PXYLP1: variants seen among roughly 807,000 people sequenced by gnomAD.
The protein encoded by PXYLP1 is acid phosphatase-like 2.
A neutral mutation model predicts 37.9 loss-of-function variants in PXYLP1; 17 were observed. That is an observed-to-expected ratio of 0.45 (90% confidence interval 0.31 to 0.67). The LOEUF is 0.67. Ranked by LOEUF, PXYLP1 falls within the 30% of genes least tolerant of loss-of-function variation. The pLI, the probability that PXYLP1 is intolerant of heterozygous loss-of-function variation, is 0.07. For missense variants in PXYLP1, 511 were observed against 612.0 expected (o/e 0.84, Z 1.74); for synonymous variants, 221 against 232.2 (o/e 0.95, Z 0.44).
chr3:141,260,269 G>A lies in PXYLP1; in HGVS notation c.79+15G>A, dbSNP rs1212729747. ...CCTGCAGTTCTGTGAGTAGAGCCGG[G>A]CCCCGCAGGTCGTGGGAGGGTAGGG... On this transcript the variant is annotated intron_variant, in intron 2 of 5. Coordinates refer to ENST00000286353, the MANE Select transcript of PXYLP1 (RefSeq NM_001037172.3). 3 of 1,611,470 alleles carry A rather than the reference G, an allele frequency of 1.9e-6. No individual in the cohort carries two copies. Among genetic ancestry groups the A allele is most frequent in the Admixed American group, 1.7e-5 (1 of 60,016 alleles).
intron 1 of PXYLP1, among the ~76,000 whole-genome samples, chr3:141,237,729 C>T (rs995392295): frequency 5.9e-5 from 9 of 152,196 alleles, no homozygotes; most frequent in African/African-American, 2.2e-4. Flanking sequence ...TCTCTGTCCT[C>T]ATGGAACAGA....
chr3:141,282,973 AT>A (rs55784202), intron 4 of PXYLP1, among the ~76,000 whole-genome samples: 67 of 147,090 alleles, frequency 4.6e-4, no homozygotes, highest in African/African-American at 6.2e-4. Flanking sequence ...AGGCTGTATA[AT>A]TTTTTTTTTT....
chr3:141,278,591 G>C, intron 3 of PXYLP1, 91 bp downstream of exon 3: 1 of 1,519,654 alleles, frequency 6.6e-7, no homozygotes, highest in Admixed American at 1.9e-5. Context: ...AGATGGCCAG[G>C]ACCCAAGTCC....
intron 4 of PXYLP1, among the ~76,000 whole-genome samples, chr3:141,285,245 CAT>C (rs1173447166): frequency 7.0e-6 from 1 of 143,854 alleles, no homozygotes; most frequent in Non-Finnish European, 1.5e-5. Flanking sequence ...CTCCTGGACT[CAT>C]GTGATCCTCC....
At chr3:141,281,225 G>A (rs1416624614) in intron 4 of PXYLP1, among the ~76,000 whole-genome samples, 2 of 152,196 alleles carry the variant, frequency 1.3e-5, no homozygotes, top group Admixed American at 1.3e-4. Flanking sequence ...ACACAAGCAG[G>A]CACCTACATG....
intron 2 of PXYLP1, among the ~76,000 whole-genome samples, chr3:141,276,909 A>G (rs1349491110): frequency 3.3e-5 from 5 of 152,278 alleles, no homozygotes; most frequent in African/African-American, 1.2e-4. Flanking sequence ...TGAATAAACA[A>G]TTATGAAAAA....
intron 2 of PXYLP1, chr3:141,273,880 G>C: frequency 1.0e-6 from 1 of 985,230 alleles, no homozygotes; most frequent in Non-Finnish European, 1.2e-6. Flanking sequence ...CCTGTTATTC[G>C]TGTTGGTCCT....
chr3:141,270,576 GGA>G (rs1165498249), intron 2 of PXYLP1, among the ~76,000 whole-genome samples: 3 of 152,346 alleles, frequency 2.0e-5, no homozygotes, highest in East Asian at 1.9e-4. Flanking sequence ...GACCAGTGAA[GGA>G]GAGAGAATTC....
chr3:141,248,751 A>G (rs1445693016), intron 1 of PXYLP1, among the ~76,000 whole-genome samples: 4 of 10,948 alleles, frequency 3.7e-4, no homozygotes, highest in South Asian at 5.8e-3. Flanking sequence ...ATACACACGT[A>G]TATATATACA....
At chr3:141,254,156 GC>G (rs1342793255) in intron 1 of PXYLP1, among the ~76,000 whole-genome samples, 3 of 152,066 alleles carry the variant, frequency 2.0e-5, no homozygotes, top group African/African-American at 7.2e-5. Context: ...CAAGTGATCT[GC>G]CCGCCACGGC....
intron 4 of PXYLP1, among the ~76,000 whole-genome samples, chr3:141,280,338 G>A (rs1941920327): frequency 6.6e-6 from 1 of 152,228 alleles, no homozygotes; most frequent in Non-Finnish European, 1.5e-5. Context: ...CTTTAAAAGT[G>A]ACACTTTGTA....
intron 2 of PXYLP1, among the ~76,000 whole-genome samples, chr3:141,266,710 C>T (rs1226061419): frequency 4.3e-5 from 4 of 93,224 alleles, no homozygotes; most frequent in Middle Eastern, 0.015. Context: ...GAGGGAGAGA[C>T]GGCGGGGGGA....
intron 4 of PXYLP1, among the ~76,000 whole-genome samples, chr3:141,280,788 G>T (rs924003823): frequency 1.3e-5 from 2 of 152,138 alleles, no homozygotes; most frequent in African/African-American, 4.8e-5. Flanking sequence ...CTCCTAAAAG[G>T]TGGTGTGCCC....
intron 1 of PXYLP1, among the ~76,000 whole-genome samples, chr3:141,242,904 C>T (rs1940846111): frequency 6.6e-6 from 1 of 152,154 alleles, no homozygotes; most frequent in Non-Finnish European, 1.5e-5. Context: ...ACTTCGAATC[C>T]CCAGCTTCTA....
chr3:141,263,763 G>A (rs967780297), intron 2 of PXYLP1, among the ~76,000 whole-genome samples: 16 of 152,236 alleles, frequency 1.1e-4, no homozygotes, highest in African/African-American at 3.9e-4. Context: ...AAGTGGCTGT[G>A]TGTCCTATTC....
intron 2 of PXYLP1, among the ~76,000 whole-genome samples, chr3:141,271,249 C>G (rs2148792102): frequency 6.6e-6 from 1 of 152,152 alleles, no homozygotes; most frequent in East Asian, 1.9e-4. Context: ...AGAGCCAGGA[C>G]ATGAATTCAC....
intron 2 of PXYLP1, among the ~76,000 whole-genome samples, chr3:141,272,407 CAAA>C (rs1451862151): frequency 6.6e-6 from 1 of 152,024 alleles, no homozygotes; most frequent in African/African-American, 2.4e-5. Flanking sequence ...ATGGAATAAA[CAAA>C]AAATCAAAAT....
At chr3:141,291,286 C>T (rs957906323) in intron 5 of PXYLP1, among the ~76,000 whole-genome samples, 3 of 152,174 alleles carry the variant, frequency 2.0e-5, no homozygotes, top group African/African-American at 7.2e-5. Flanking sequence ...CCTCCTACTA[C>T]AGGATGAGAG....
chr3:141,252,799 C>G (rs1036991582), intron 1 of PXYLP1, among the ~76,000 whole-genome samples: 2 of 152,192 alleles, frequency 1.3e-5, no homozygotes, highest in African/African-American at 4.8e-5. Context: ...CCCTCACCAC[C>G]CTAGGGTAGA....
Sources: gnomAD v4.1 joint callset for allele counts (sites outside exome capture counted in the v4.1 genomes callset) on GRCh38, gnomAD v4.1.1 for gene constraint, MANE v1.5 for transcripts, NCBI Gene and HGNC (gene_info 2026-07-23, HGNC 2026-07-21) for gene names.